The following PER2 variants were observed in gnomAD, a reference collection of about 807,000 sequenced individuals.
The protein encoded by PER2 is period circadian regulator 2.
A neutral mutation model predicts 121.0 loss-of-function variants in PER2; 66 were observed. The observed-to-expected ratio is 0.55, with a 90% CI of 0.45 to 0.67. The LOEUF (loss-of-function observed/expected upper bound fraction) is 0.67, where lower values mean the gene tolerates loss of function less well. Among genes scored for constraint, PER2 ranks in the 30% least tolerant of loss-of-function variants. The pLI is 0.00. For missense variants in PER2, 1,521 were observed against 1,635.0 expected (o/e 0.93, Z 1.20); for synonymous variants, 684 against 659.9 (o/e 1.04, Z -0.56).
At chr2:238,276,023 T>G (rs937815839) in intron 3 of PER2, 126 bp from the exon 4 acceptor site, 2 of 666,306 alleles carry the variant, frequency 3.0e-6, no homozygotes, top group Admixed American at 4.9e-5. Context: ...TGGCCCTTTG[T>G]GGGGCTCTGT....
chr2:238,275,044 G>A (rs143561774), intron 4 of PER2, among the ~76,000 whole-genome samples: 1 of 152,328 alleles, frequency 6.6e-6, no homozygotes, highest in East Asian at 1.9e-4. Flanking sequence ...TTATACCCAT[G>A]ATTACTAGTG....
At chr2:238,300,035 C>T in the PER2 span, 1 of 152,148 alleles carries the variant, frequency 6.6e-6, no homozygotes, top group East Asian at 1.9e-4. Flanking sequence ...AGGAGCATAA[C>T]GCTAGATGGG....
intron 13 of PER2, among the ~76,000 whole-genome samples, 190 bp downstream of exon 13, chr2:238,260,638 C>T (rs532197987): frequency 5.1e-4 from 77 of 152,332 alleles, no homozygotes; most frequent in African/African-American, 1.6e-3. Context: ...CAACACTTAG[C>T]TATGGTTTCT....
intron 1 of PER2, among the ~76,000 whole-genome samples, chr2:238,280,514 T>A (rs1696598406): frequency 6.6e-6 from 1 of 152,196 alleles, no homozygotes; most frequent in African/African-American, 2.4e-5. Context: ...AATGATGGAT[T>A]CAATGAAACA....
intron 5 of PER2, among the ~76,000 whole-genome samples, chr2:238,271,979 A>G (rs1474523918): frequency 6.6e-6 from 1 of 152,156 alleles, no homozygotes; most frequent in Non-Finnish European, 1.5e-5. Flanking sequence ...CAAGCTTGTG[A>G]TAAGCCCCCT....
At chr2:238,251,470 G>T in intron 20 of PER2, 129 bp downstream of exon 20, 1 of 821,178 alleles carries the variant, frequency 1.2e-6, no homozygotes, top group Non-Finnish European at 2.1e-6. Flanking sequence ...GTGTCTGCAT[G>T]GGCTCTGACA....
the PER2 span, among the ~76,000 whole-genome samples, chr2:238,297,736 T>C: frequency 2.0e-5 from 3 of 152,210 alleles, no homozygotes; most frequent in African/African-American, 7.2e-5. Flanking sequence ...GAAAGGCCAC[T>C]GCCATAGGTG....
chr2:238,277,042 A>T, intron 3 of PER2, 89 bp downstream of exon 3: 1 of 1,003,232 alleles, frequency 1.0e-6, no homozygotes, highest in East Asian at 2.4e-5. Context: ...GCTTAAAAAA[A>T]GCCACGTCAC....
chr2:238,282,780 AAT>A (rs1352677380), intron 1 of PER2, among the ~76,000 whole-genome samples: 2 of 152,098 alleles, frequency 1.3e-5, no homozygotes, highest in Admixed American at 1.3e-4. Context: ...AAGAAACTAG[AAT>A]ATACAGTAGA....
intron 1 of PER2, among the ~76,000 whole-genome samples, chr2:238,284,276 T>C (rs1696717514): frequency 6.6e-6 from 1 of 152,000 alleles, no homozygotes. Context: ...AACCCGTCTC[T>C]ACTAAAAATA....
rs556436807 is a variant in PER2, at chr2:238,252,841, G to A, written c.3111+71C>T. On this transcript the variant is annotated intron_variant, in intron 19 of 22. Coordinates refer to ENST00000254657, the MANE Select transcript of PER2 (RefSeq NM_022817.3). This position sits in a 1 kb window ranked among gnomAD's most constrained non-coding sequence, Gnocchi z 4.2. ...GTGTAACCCCCATGTCTGAACTGAG[G>A]ATGTGCGGCCGGCCTGCCAGGTGTG... 6.1e-6 allele frequency: 8 copies of A among 1,304,448 alleles called. No homozygotes were observed. The South Asian group carries it at 9.4e-5, about 15-fold the overall frequency. The allele number at this position is 1,304,448 out of a possible 1,614,324, so 80.8% of individuals were successfully genotyped here.
chr2:238,284,372 G>T (rs551289987), intron 1 of PER2, among the ~76,000 whole-genome samples: 1 of 151,630 alleles, frequency 6.6e-6, no homozygotes, highest in South Asian at 2.1e-4. Flanking sequence ...AACCCAGGAG[G>T]TGGAGGCTGC....
chr2:238,244,276 T>G lies in PER2; in HGVS notation c.*2099A>C, dbSNP rs1695386073. 1 of 152,584 alleles carries G rather than the reference T, an allele frequency of 6.6e-6. No individual in the cohort carries two copies. The highest frequency in any genetic ancestry group is 6.5e-5 in the Admixed American group (1 of 15,278). 9.5% of individuals were successfully genotyped at this position (152,584 alleles called of 1,614,324 possible). On this transcript the variant is annotated 3_prime_UTR_variant, in exon 23 of 23. Transcript: ENST00000254657. ...CTCAGTTTAAAATAGAGAAAAACTGTTTAACACCTGTGTAAGCACACACAC... is the reference window on the plus strand; with the variant it reads ...CTCAGTTTAAAATAGAGAAAAACTGGTTAACACCTGTGTAAGCACACACAC...
At chr2:238,266,138 C>T (rs1026597588) in intron 8 of PER2, among the ~76,000 whole-genome samples, 13 of 152,028 alleles carry the variant, frequency 8.6e-5, no homozygotes, top group South Asian at 6.2e-4. Flanking sequence ...CTCCTGACCT[C>T]GTGATCCGCC....
At chr2:238,277,561 C>CACTG (rs534300375) in intron 2 of PER2, 146 bp downstream of exon 2, 55 of 961,590 alleles carry the variant, frequency 5.7e-5, no homozygotes, top group Non-Finnish European at 7.6e-5. Context: ...GAAGGACAGA[C>CACTG]ACTGGCACAT....
intron 14 of PER2, 94 bp from the exon 15 acceptor site, chr2:238,258,738 G>T: frequency 2.4e-6 from 3 of 1,271,884 alleles, no homozygotes; most frequent in East Asian, 2.3e-5. Context: ...TGAAGACAGG[G>T]CTGGGGACTC....
At chr2:238,270,355 G>A (rs1696245223) in intron 6 of PER2, among the ~76,000 whole-genome samples, 1 of 151,994 alleles carries the variant, frequency 6.6e-6, no homozygotes, top group Non-Finnish European at 1.5e-5. Context: ...AATGAAGGAA[G>A]AGGTGTTTCC....
At chr2:238,261,022 A>AGGGGG in intron 12 of PER2, 69 bp from the exon 13 acceptor site, 1 of 1,569,096 alleles carries the variant, frequency 6.4e-7, no homozygotes, top group Non-Finnish European at 8.7e-7. Flanking sequence ...GCCCCCTGCC[A>AGGGGG]ACACACCCTG....
Position 238,253,846 on chromosome 2 carries a change from T to A in PER2, c.2321-144A>T. 1.5e-6 allele frequency: 1 copy of A among 664,866 alleles called. No individual in the cohort carries two copies. Among genetic ancestry groups the A allele is most frequent in the Non-Finnish European group, 2.6e-6 (1 of 377,416 alleles). The allele number at this position is 664,866 out of a possible 1,614,324, so 41.2% of individuals were successfully genotyped here. On this transcript the variant is annotated intron_variant, in intron 18 of 22. Transcript: ENST00000254657. The surrounding 1 kb of genome is among the most constrained non-coding windows in gnomAD (Gnocchi z 5.6). ...CGGTTTTCCCTGATCCTCAGTGAAG[T>A]GAGAAAAATCAGGGCAAAACATCAG...
Sources: gnomAD v4.1 joint callset for allele counts (sites outside exome capture counted in the v4.1 genomes callset) on GRCh38, gnomAD v4.1.1 for gene constraint, Gnocchi (gnomAD v3.1) non-coding constraint, MANE v1.5 for transcripts, NCBI Gene and HGNC (gene_info 2026-07-23, HGNC 2026-07-21) for gene names.